The following PDE4B variants were observed in gnomAD, a reference collection of about 807,000 sequenced individuals.
PDE4B encodes phosphodiesterase 4B.
A neutral mutation model predicts 82.2 loss-of-function variants in PDE4B; 20 were observed. The ratio of observed to expected loss-of-function variants is 0.24; its 90% CI spans 0.17 to 0.35. PDE4B has a LOEUF of 0.35. Among genes scored for constraint, PDE4B ranks in the 10% least tolerant of loss-of-function variants. The pLI, the probability that PDE4B is intolerant of heterozygous loss-of-function variation, is 1.00. For missense variants in PDE4B, 655 were observed against 907.2 expected (o/e 0.72, Z 3.57); for synonymous variants, 320 against 318.9 (o/e 1.00, Z -0.04).
intron 9 of PDE4B, among the ~76,000 whole-genome samples, chr1:66,358,336 G>A (rs1223956890): frequency 6.6e-6 from 1 of 152,146 alleles, no homozygotes; most frequent in Non-Finnish European, 1.5e-5. Flanking sequence ...TATCATTTTG[G>A]AAACAAGTCT....
chr1:66,199,421 G>C (rs1435935981), intron 3 of PDE4B, among the ~76,000 whole-genome samples: 1 of 152,110 alleles, frequency 6.6e-6, no homozygotes, highest in Non-Finnish European at 1.5e-5. Flanking sequence ...TTTGAGAAGT[G>C]TCTGTTCATA....
chr1:66,125,477 T>A (rs1287967502), intron 3 of PDE4B, among the ~76,000 whole-genome samples: 1 of 152,198 alleles, frequency 6.6e-6, no homozygotes, highest in Non-Finnish European at 1.5e-5. Context: ...CTTGTTTTAA[T>A]TACTTTTTCT....
intron 3 of PDE4B, among the ~76,000 whole-genome samples, chr1:66,001,450 T>C (rs1021394089): frequency 6.6e-6 from 1 of 152,208 alleles, no homozygotes; most frequent in South Asian, 2.1e-4. Flanking sequence ...CTTGCTGTTA[T>C]TACAATTCAT....
chr1:66,304,236 C>A (rs993204325), intron 7 of PDE4B, among the ~76,000 whole-genome samples: 13 of 152,066 alleles, frequency 8.5e-5, no homozygotes, highest in African/African-American at 3.1e-4. Flanking sequence ...ATAAACATTA[C>A]AGGCATTGTG....
chr1:66,356,991 GGA>G (rs71807613), intron 9 of PDE4B, among the ~76,000 whole-genome samples: 4,606 of 152,216 alleles, frequency 0.03, 144 homozygotes, highest in South Asian at 0.085. Flanking sequence ...TTGAAGACAG[GGA>G]TCTTCTGCTG....
At chr1:66,354,142 G>A (rs1231854523) in intron 8 of PDE4B, among the ~76,000 whole-genome samples, 2 of 152,162 alleles carry the variant, frequency 1.3e-5, no homozygotes, top group Admixed American at 1.3e-4. Context: ...TTGTGTACTG[G>A]CAGCCTAGTC....
chr1:66,167,848 A>T (rs1570385502), intron 3 of PDE4B, among the ~76,000 whole-genome samples: 1 of 152,304 alleles, frequency 6.6e-6, no homozygotes, highest in East Asian at 1.9e-4. Flanking sequence ...TGCTAATTTT[A>T]TATTTTCTTC....
intron 3 of PDE4B, among the ~76,000 whole-genome samples, chr1:66,001,768 G>T (rs1651877242): frequency 6.6e-6 from 1 of 152,096 alleles, no homozygotes; most frequent in Non-Finnish European, 1.5e-5. Context: ...TGTCACCCAG[G>T]CTGGAGTGCA....
chr1:65,989,606 G>A (rs1651135994), intron 3 of PDE4B, among the ~76,000 whole-genome samples: 1 of 152,042 alleles, frequency 6.6e-6, no homozygotes, highest in Non-Finnish European at 1.5e-5. Flanking sequence ...TAAATTAATT[G>A]GGAATTACTC....
intron 3 of PDE4B, among the ~76,000 whole-genome samples, chr1:66,027,289 G>A (rs966891641): frequency 1.3e-5 from 2 of 152,190 alleles, no homozygotes; most frequent in Admixed American, 6.5e-5. Flanking sequence ...AGAAACCCCC[G>A]ATAAACCCAT....
At chr1:66,358,608 A>T (rs1359298335) in intron 9 of PDE4B, among the ~76,000 whole-genome samples, 19 of 147,536 alleles carry the variant, frequency 1.3e-4, no homozygotes, top group Non-Finnish European at 2.1e-4. Context: ...CAGGAGATGG[A>T]GGTTGCAGTG....
intron 1 of PDE4B, among the ~76,000 whole-genome samples, chr1:65,852,408 A>T (rs1004849818): frequency 6.8e-6 from 1 of 147,550 alleles, no homozygotes; most frequent in African/African-American, 2.7e-5. Context: ...AGGAGTATTC[A>T]TAATGTTTTC....
At chr1:65,825,752 A>ATCTG in intron 1 of PDE4B, among the ~76,000 whole-genome samples, 1 of 149,694 alleles carries the variant, frequency 6.7e-6, no homozygotes, top group African/African-American at 2.5e-5. Context: ...CTATCTATCT[A>ATCTG]TCTATCTCAA....
At chr1:66,201,598 A>T (rs1378013324) in intron 3 of PDE4B, among the ~76,000 whole-genome samples, 3 of 150,000 alleles carry the variant, frequency 2.0e-5, no homozygotes, top group Non-Finnish European at 4.5e-5. Flanking sequence ...CGAGTAATTT[A>T]TCCATTTCTT....
intron 8 of PDE4B, among the ~76,000 whole-genome samples, chr1:66,339,844 TTTG>T (rs1660830952): frequency 2.2e-5 from 2 of 90,238 alleles, no homozygotes; most frequent in African/African-American, 6.3e-5. Context: ...GTTTGTTTTT[TTTG>T]TTGTTTTTTT....
chr1:65,975,837 TGGAAAC>T (rs1650378671), intron 3 of PDE4B, among the ~76,000 whole-genome samples: 2 of 152,224 alleles, frequency 1.3e-5, no homozygotes, highest in South Asian at 4.1e-4. Flanking sequence ...AGTTGAGGAT[TGGAAAC>T]CTCCACCTAG....
chr1:65,918,868 A>C (rs750862293), intron 3 of PDE4B, 33 bp downstream of exon 3: 16 of 1,306,560 alleles, frequency 1.2e-5, no homozygotes, highest in Non-Finnish European at 1.8e-5. Context: ...GTCAATTCTA[A>C]ATTTTTATTT....
At chr1:65,933,810 T>C (rs1487891248) in intron 3 of PDE4B, among the ~76,000 whole-genome samples, 3 of 152,122 alleles carry the variant, frequency 2.0e-5, no homozygotes, top group Non-Finnish European at 4.4e-5. Flanking sequence ...GATAAATATA[T>C]AGGCAAATTC....
intron 1 of PDE4B, among the ~76,000 whole-genome samples, chr1:65,912,203 ATTGTC>A (rs1167138877): frequency 6.6e-6 from 1 of 152,006 alleles, no homozygotes; most frequent in East Asian, 1.9e-4. Context: ...AATTCTTTGT[ATTGTC>A]TTGTAGTCTG....
Sources: allele counts gnomAD v4.1 joint callset (sites outside exome capture counted in the v4.1 genomes callset), GRCh38; gene constraint gnomAD v4.1.1; transcripts MANE v1.5; gene names NCBI Gene and HGNC (gene_info 2026-07-23, HGNC 2026-07-21).